Variants in OSBPL1A observed in about 807,000 individuals in gnomAD.
OSBPL1A encodes oxysterol binding protein like 1A.
OSBPL1A carries 80 observed loss-of-function variants against 137.1 expected under a neutral mutation model. The observed-to-expected ratio is 0.58, with a 90% CI of 0.49 to 0.70. OSBPL1A has a LOEUF of 0.70. Among genes scored for constraint, OSBPL1A ranks in the 30% least tolerant of loss-of-function variants. The probability of loss-of-function intolerance (pLI) is 0.00; values close to 1 mark genes in which losing one functional copy is unlikely to be tolerated. For missense variants in OSBPL1A, 970 were observed against 1,129.4 expected, an observed-to-expected ratio of 0.86 and a Z score of 2.02; for synonymous variants, 365 against 389.7, an observed-to-expected ratio of 0.94 and a Z score of 0.75.
At chr18:24,358,098 G>T in intron 4 of OSBPL1A, 1 of 260,192 alleles carries the variant, frequency 3.8e-6, no homozygotes, top group East Asian at 8.6e-5. Context: ...GGATGTACGT[G>T]GAAGAACAGG....
intron 18 of OSBPL1A, among the ~76,000 whole-genome samples, chr18:24,193,136 A>G (rs140520478): frequency 6.6e-6 from 1 of 152,352 alleles, no homozygotes; most frequent in African/African-American, 2.4e-5. Flanking sequence ...TCTAGAACTC[A>G]GTTTCACCCC....
intron 4 of OSBPL1A, among the ~76,000 whole-genome samples, chr18:24,353,151 T>G (rs543025037): frequency 6.4e-4 from 97 of 152,164 alleles, no homozygotes; most frequent in Middle Eastern, 3.4e-3. Flanking sequence ...TGGGAGAAGA[T>G]TTTTGCAACC....
chr18:24,328,328 G>C (rs372716076), intron 7 of OSBPL1A, among the ~76,000 whole-genome samples: 1 of 148,354 alleles, frequency 6.7e-6, no homozygotes, highest in African/African-American at 2.5e-5. Context: ...CCAAAGTGCT[G>C]GGATTACAGG....
chr18:24,306,910 G>A (rs8098840), intron 13 of OSBPL1A, among the ~76,000 whole-genome samples: 17,468 of 151,902 alleles, frequency 0.11, 1,161 homozygotes, highest in South Asian at 0.16. Flanking sequence ...CAGTGGTGCC[G>A]TAGCACTTAT....
At chr18:24,190,759 G>C (rs173111) in intron 18 of OSBPL1A, among the ~76,000 whole-genome samples, 1 of 152,218 alleles carries the variant, frequency 6.6e-6, no homozygotes, top group African/African-American at 2.4e-5. Context: ...ATCTATCTTA[G>C]AGTTGGAATG....
chr18:24,354,533 CTAATCATAGCAACAGA>C (rs2146176117), intron 4 of OSBPL1A, among the ~76,000 whole-genome samples: 1 of 152,082 alleles, frequency 6.6e-6, no homozygotes, highest in Non-Finnish European at 1.5e-5. Flanking sequence ...ATAGCAACAG[CTAATCATAGCAACAGA>C]GATAAATGAT....
rs143017335 is a variant in OSBPL1A at position 24,163,322 on chromosome 18, G to A, written c.2751-41C>T. The stretch of plus-strand genomic sequence containing the variant: ...GGACAAGACTTACAGGGGAAACTAT[G>A]GAAAATCACAGGCTGTTTCTTCACT... On this transcript the variant is annotated intron_variant, in intron 27 of 27. Coordinates refer to ENST00000319481, the MANE Select transcript of OSBPL1A (RefSeq NM_080597.4). 4 of 1,423,432 alleles carry A rather than the reference G, an allele frequency of 2.8e-6. No individual in the cohort carries two copies. In the East Asian group the frequency reaches 9.1e-5, roughly 33 times the overall value. 88.2% of individuals were successfully genotyped at this position (1,423,432 alleles called of 1,614,324 possible).
chr18:24,370,357 A>C (rs2146197611), intron 2 of OSBPL1A, among the ~76,000 whole-genome samples: 1 of 152,272 alleles, frequency 6.6e-6, no homozygotes, highest in Non-Finnish European at 1.5e-5. Flanking sequence ...CCAGCCTCCC[A>C]GTGGCCTGCC....
At chr18:24,306,311 C>A (rs970264553) in intron 13 of OSBPL1A, among the ~76,000 whole-genome samples, 1 of 152,090 alleles carries the variant, frequency 6.6e-6, no homozygotes, top group African/African-American at 2.4e-5. Context: ...GTTAAATTAC[C>A]TTATGATCCC....
At chr18:24,215,676 G>A (rs1252075497) in intron 17 of OSBPL1A, among the ~76,000 whole-genome samples, 1 of 152,180 alleles carries the variant, frequency 6.6e-6, no homozygotes, top group African/African-American at 2.4e-5. Context: ...CAGCTCCAAA[G>A]GAAAACAGAC....
At chr18:24,307,830 C>G (rs2090532630) in intron 13 of OSBPL1A, among the ~76,000 whole-genome samples, 1 of 152,132 alleles carries the variant, frequency 6.6e-6, no homozygotes, top group African/African-American at 2.4e-5. Flanking sequence ...CACCCTATTG[C>G]CCAGGCTGGA....
chr18:24,199,047 T>C (rs933670401), intron 17 of OSBPL1A, among the ~76,000 whole-genome samples: 16 of 151,816 alleles, frequency 1.1e-4, no homozygotes, highest in Admixed American at 9.2e-4. Flanking sequence ...TTAGTAAAGA[T>C]AGGGTTTCAC....
chr18:24,334,206 A>C, intron 6 of OSBPL1A, 39 bp downstream of exon 6: 3 of 1,546,258 alleles, frequency 1.9e-6, no homozygotes, highest in Non-Finnish European at 2.6e-6. Context: ...GTAAAGAAAG[A>C]CTGCTTTTTG....
At chr18:24,293,608 T>C (rs2090231796) in intron 14 of OSBPL1A, among the ~76,000 whole-genome samples, 1 of 152,070 alleles carries the variant, frequency 6.6e-6, no homozygotes, top group Non-Finnish European at 1.5e-5. Flanking sequence ...AGGGAGTGAC[T>C]ACGCCACTCA....
intron 21 of OSBPL1A, among the ~76,000 whole-genome samples, chr18:24,173,516 G>T (rs2086348194): frequency 6.6e-6 from 1 of 152,150 alleles, no homozygotes. Flanking sequence ...GGGTTCAAGT[G>T]ATTCTCGGGC....
chr18:24,370,176 G>A (rs903489751), intron 2 of OSBPL1A, among the ~76,000 whole-genome samples: 2 of 152,206 alleles, frequency 1.3e-5, no homozygotes, highest in African/African-American at 4.8e-5. Context: ...ATCTGTGACT[G>A]CACCGCTGCA....
At chr18:24,309,259 T>C (rs2146109372) in intron 13 of OSBPL1A, among the ~76,000 whole-genome samples, 1 of 152,350 alleles carries the variant, frequency 6.6e-6, no homozygotes, top group Admixed American at 6.5e-5. Flanking sequence ...ATGAGGTCAA[T>C]AATTAATTCT....
intron 1 of OSBPL1A, among the ~76,000 whole-genome samples, chr18:24,394,880 G>A (rs780385038): frequency 6.6e-6 from 1 of 152,098 alleles, no homozygotes. Flanking sequence ...TAAAGTGAGC[G>A]ACCTAGTTTA....
At chr18:24,254,186 C>T (rs981854031) in intron 15 of OSBPL1A, among the ~76,000 whole-genome samples, 1 of 152,124 alleles carries the variant, frequency 6.6e-6, no homozygotes, top group African/African-American at 2.4e-5. Context: ...TGCTGGAGCA[C>T]CAGATATATA....
Sources: allele counts gnomAD v4.1 joint callset (sites outside exome capture counted in the v4.1 genomes callset), GRCh38; gene constraint gnomAD v4.1.1; transcripts MANE v1.5; gene names NCBI Gene and HGNC (gene_info 2026-07-23, HGNC 2026-07-21).